Variants in NTNG1 observed in about 807,000 individuals in gnomAD.
NTNG1 encodes the protein netrin G1, also known as netrin-G1.
NTNG1 carries 16 observed loss-of-function variants against 54.0 expected under a neutral mutation model. That is an observed-to-expected ratio of 0.30 (90% confidence interval 0.20 to 0.45). The LOEUF is 0.45. NTNG1 is among the 20% of genes least tolerant of loss of function. The pLI is 1.00. For missense variants in NTNG1, 530 were observed against 678.7 expected (o/e 0.78, Z 2.43); for synonymous variants, 255 against 263.1 (o/e 0.97, Z 0.30).
intron 7 of NTNG1, chr1:107,460,446 T>G: frequency 1.9e-6 from 1 of 518,300 alleles, no homozygotes. Context: ...GGCAATTAAA[T>G]CTCACAAAGA....
intron 3 of NTNG1, among the ~76,000 whole-genome samples, chr1:107,370,624 C>G (rs924239591): frequency 6.6e-6 from 1 of 151,932 alleles, no homozygotes; most frequent in African/African-American, 2.4e-5. Context: ...TTTTCCATTC[C>G]TGAGTCACTT....
chr1:107,413,842 T>C (rs1674009179), intron 5 of NTNG1, among the ~76,000 whole-genome samples: 1 of 152,212 alleles, frequency 6.6e-6, no homozygotes, highest in Admixed American at 6.5e-5. Context: ...CAGGACTTTT[T>C]TCATTCTACC....
rs116232947 is a variant in NTNG1 at position 107,176,168 on chromosome 1, C to T, written c.246+27329C>T. ...AAGTTTTGTTGCCAGTAAATTAGGT[C>T]TATAGAATAACACCATGGTAGGAGA... On this transcript the variant is annotated intron_variant, in intron 2 of 7. Coordinates refer to ENST00000370068, the MANE Select transcript of NTNG1 (RefSeq NM_001113226.3). Among the ~76,000 whole-genome samples, 7 of 152,052 alleles carry T rather than the reference C, an allele frequency of 4.6e-5. No homozygotes were observed. The South Asian group carries it at 1.5e-3, about 32-fold the overall frequency.
rs1235508550 is a variant in NTNG1, at chr1:107,407,502, G to GTT, written c.1061-179_1061-178insTT. ...TTCAATTGCTGGAAATTGTGTGTGT[G>GTT]TGTGTGTGTATAATGTGTATATGCA... On this transcript the variant is annotated intron_variant, in intron 4 of 7. Coordinates refer to ENST00000370068, the MANE Select transcript of NTNG1 (RefSeq NM_001113226.3). Among the ~76,000 whole-genome samples the GTT allele has an allele frequency of 2.0e-5, 3 of 152,030 alleles. No homozygotes were observed. The East Asian group carries it at 5.8e-4, about 29-fold the overall frequency.
chr1:107,390,736 C>T (rs1257269565), intron 3 of NTNG1, among the ~76,000 whole-genome samples: 1 of 152,216 alleles, frequency 6.6e-6, no homozygotes, highest in East Asian at 1.9e-4. Context: ...TTGTCTTAAT[C>T]GTCTAAGTTT....
At chr1:107,381,037 C>A (rs763949807) in intron 3 of NTNG1, among the ~76,000 whole-genome samples, 2 of 151,992 alleles carry the variant, frequency 1.3e-5, no homozygotes, top group Non-Finnish European at 2.9e-5. Flanking sequence ...AAAAACTTAA[C>A]CACAGGGTCC....
intron 7 of NTNG1, among the ~76,000 whole-genome samples, chr1:107,466,612 A>G (rs1353858539): frequency 6.6e-6 from 1 of 152,226 alleles, no homozygotes; most frequent in Non-Finnish European, 1.5e-5. Flanking sequence ...AAGTCCACCC[A>G]AGTCTTTTTC....
chr1:107,266,616 G>GT lies in NTNG1; in HGVS notation c.247-57651dup, dbSNP rs545857167. ...CACAAATCCAAACCTTAGCAACATT[G>GT]TTTTTTTTTTTTTTTAAGTTTAGAC... is the stretch of plus-strand genomic sequence containing the variant. On this transcript the variant is annotated intron_variant, in intron 2 of 7. Transcript: ENST00000370068. Among the ~76,000 whole-genome samples, 374 of 131,756 alleles carry GT rather than the reference G, an allele frequency of 2.8e-3. 1 individual carries two copies. Among genetic ancestry groups the GT allele is most frequent in the South Asian group, 4.6e-3 (19 of 4,156 alleles). The allele number at this position is 131,756 out of a possible 152,430, so 86.4% of individuals were successfully genotyped here.
At chr1:107,382,679 A>G (rs1671719451) in intron 3 of NTNG1, among the ~76,000 whole-genome samples, 1 of 151,892 alleles carries the variant, frequency 6.6e-6, no homozygotes, top group Admixed American at 6.6e-5. Context: ...TCTATTCTTA[A>G]GTGGCACAGT....
chr1:107,280,390 GTCTA>G (rs367558431), intron 2 of NTNG1, among the ~76,000 whole-genome samples: 323 of 151,576 alleles, frequency 2.1e-3, no homozygotes, highest in African/African-American at 6.1e-3. Context: ...GTGTTTGCAT[GTCTA>G]TCTTTCTTTG....
intron 2 of NTNG1, among the ~76,000 whole-genome samples, chr1:107,313,583 G>A (rs559034590): frequency 1.3e-5 from 2 of 152,036 alleles, no homozygotes; most frequent in East Asian, 3.9e-4. Context: ...GGAGGGAAGA[G>A]GCCAAAGGGT....
At chr1:107,420,725 A>G (rs1228357614) in intron 5 of NTNG1, among the ~76,000 whole-genome samples, 1 of 151,866 alleles carries the variant, frequency 6.6e-6, no homozygotes, top group Non-Finnish European at 1.5e-5. Context: ...GTCATGGTGA[A>G]CCCAGGCAAT....
In NTNG1 at chr1:107,191,397, A is replaced by C. The variant is rs752850370; in HGVS notation, c.246+42558A>C. ...TAGGTTGCCTGTTCACTCTGATGGT[A>C]GTTTCTTTTGCTGTGCAGAAGCTCT... On this transcript the variant is annotated intron_variant, in intron 2 of 7. Transcript: ENST00000370068. Among the ~76,000 whole-genome samples the C allele has an allele frequency of 3.3e-5, 5 of 152,046 alleles. No individual in the cohort carries two copies. The East Asian group carries it at 9.7e-4, about 29-fold the overall frequency.
chr1:107,269,642 A>G (rs2101684331), intron 2 of NTNG1, among the ~76,000 whole-genome samples: 1 of 152,356 alleles, frequency 6.6e-6, no homozygotes, highest in East Asian at 1.9e-4. Context: ...AAATGAATGA[A>G]TGTTCCTCTT....
intron 2 of NTNG1, among the ~76,000 whole-genome samples, chr1:107,266,682 T>C (rs922120612): frequency 1.3e-5 from 2 of 151,276 alleles, no homozygotes; most frequent in Non-Finnish European, 2.9e-5. Flanking sequence ...GTCATTTAAC[T>C]CTCTAAGGTG....
chr1:107,286,781 T>A (rs1294196200), intron 2 of NTNG1, among the ~76,000 whole-genome samples: 1 of 152,188 alleles, frequency 6.6e-6, no homozygotes, highest in African/African-American at 2.4e-5. Flanking sequence ...AAATAAATAT[T>A]AATTCCTGGT....
At chr1:107,270,315 C>A (rs1387177349) in intron 2 of NTNG1, among the ~76,000 whole-genome samples, 1 of 152,108 alleles carries the variant, frequency 6.6e-6, no homozygotes, top group African/African-American at 2.4e-5. Flanking sequence ...TTGTAGACTG[C>A]CATGGTTGGC....
intron 2 of NTNG1, among the ~76,000 whole-genome samples, chr1:107,312,467 C>G (rs114175570): frequency 6.6e-6 from 1 of 151,824 alleles, no homozygotes. Context: ...TATTGAATTT[C>G]AAGAAGTCAA....
chr1:107,244,362 G>C (rs552285463), intron 2 of NTNG1, among the ~76,000 whole-genome samples: 1 of 152,108 alleles, frequency 6.6e-6, no homozygotes, highest in African/African-American at 2.4e-5. Flanking sequence ...TGACAATTTT[G>C]TTTCCCCTCC....
Sources: gnomAD v4.1 joint callset for allele counts (sites outside exome capture counted in the v4.1 genomes callset) on GRCh38, gnomAD v4.1.1 for gene constraint, MANE v1.5 for transcripts, NCBI Gene and HGNC (gene_info 2026-07-23, HGNC 2026-07-21) for gene names.